SREK1: variants seen among roughly 807,000 people sequenced by gnomAD.
SREK1 encodes the protein splicing regulatory glutamine/lysine-rich protein 1.
SREK1 carries 13 observed loss-of-function variants against 66.5 expected under a neutral mutation model. The observed-to-expected ratio is 0.20, with a 90% CI of 0.13 to 0.31. The LOEUF (loss-of-function observed/expected upper bound fraction) is 0.31. Ranked by LOEUF, SREK1 falls within the 10% of genes least tolerant of loss-of-function variation. The pLI is 1.00. For missense variants in SREK1, 607 were observed against 769.6 expected (o/e 0.79, Z 2.50); for synonymous variants, 265 against 263.5 (o/e 1.01, Z -0.05).
chr5:66,167,459 GTTTAA>G (rs750109134), intron 7 of SREK1: 2 of 152,102 alleles, frequency 1.3e-5, no homozygotes, highest in Non-Finnish European at 1.5e-5. Flanking sequence ...GTTTTTTACA[GTTTAA>G]TTTAAAAATA....
chr5:66,154,693 C>G (rs1020978437), intron 2 of SREK1, among the ~76,000 whole-genome samples: 8 of 151,992 alleles, frequency 5.3e-5, no homozygotes, highest in Admixed American at 3.9e-4. Flanking sequence ...TTTTTTAAGT[C>G]CCAGAATAGG....
At chr5:66,146,754 T>C (rs1044139987) in intron 1 of SREK1, among the ~76,000 whole-genome samples, 2 of 152,222 alleles carry the variant, frequency 1.3e-5, no homozygotes, top group African/African-American at 4.8e-5. Context: ...TAGTAGTAGT[T>C]GTATTGAAAA....
chr5:66,179,244 T>C lies in SREK1; in HGVS notation c.*376T>C, dbSNP rs981607738. On this transcript the variant is annotated 3_prime_UTR_variant, in exon 12 of 12. Coordinates refer to ENST00000334121, the MANE Select transcript of SREK1 (RefSeq NM_001077199.3). ...TGGAGGCTCTTTTAAAAAATGCTAGTTACTGAATTTTGTATTGTTTTACTT... is the reference window on the plus strand; with the variant it reads ...TGGAGGCTCTTTTAAAAAATGCTAGCTACTGAATTTTGTATTGTTTTACTT... 2.6e-5 allele frequency: 4 copies of C among 156,776 alleles called. No homozygotes were observed. The highest frequency in any genetic ancestry group is 9.6e-5 in the African/African-American group (4 of 41,560). The allele number at this position is 156,776 out of a possible 1,614,324, so 9.7% of individuals were successfully genotyped here. A position where few individuals can be genotyped will look rare whatever the true frequency, so the allele number is the denominator to read the frequency against.
rs772600049 is a variant in SREK1, at chr5:66,162,641, G to T, written c.755+49G>T. ...TTTTAATGATTTTGAAACATTTAAA[G>T]TATTTTTGATGTAATGAAGGCTTTT... is the stretch of plus-strand genomic sequence containing the variant. On this transcript the variant is annotated intron_variant, in intron 5 of 11. Coordinates refer to ENST00000334121, the MANE Select transcript of SREK1 (RefSeq NM_001077199.3). The T allele has an allele frequency of 4.4e-5, 67 of 1,519,078 alleles. No homozygotes were observed. The Middle Eastern group carries it at 8.8e-4, about 20-fold the overall frequency. The allele number at this position is 1,519,078 out of a possible 1,614,324, so 94.1% of individuals were successfully genotyped here.
At chr5:66,170,991 C>T in intron 9 of SREK1, 44 bp downstream of exon 9, 1 of 1,546,948 alleles carries the variant, frequency 6.5e-7, no homozygotes, top group Non-Finnish European at 8.7e-7. Context: ...TTGCTGATGA[C>T]AATTGGAAAC....
At chr5:66,164,762 A>T (rs746454941) in intron 6 of SREK1, 21 bp from the exon 7 acceptor site, 1 of 1,613,900 alleles carries the variant, frequency 6.2e-7, no homozygotes, top group Non-Finnish European at 8.5e-7. Flanking sequence ...CTTACACTGC[A>T]AAGTGATTTT....
intron 7 of SREK1, chr5:66,166,912 A>G (rs1158956237): frequency 2.0e-5 from 3 of 152,180 alleles, no homozygotes; most frequent in African/African-American, 4.8e-5. Flanking sequence ...TTCCTTACCT[A>G]AAAACATTTA....
rs1269602570 is a variant in SREK1 at position 66,181,443 on chromosome 5, A to G, written c.*2575A>G. 1 of 152,104 alleles carries G rather than the reference A, an allele frequency of 6.6e-6. No individual in the cohort carries two copies. Among genetic ancestry groups the G allele is most frequent in the Non-Finnish European group, 1.5e-5 (1 of 68,014 alleles). 9.4% of individuals were successfully genotyped at this position (152,104 alleles called of 1,614,324 possible). On this transcript the variant is annotated 3_prime_UTR_variant, in exon 12 of 12. Transcript: ENST00000334121. ...TTTAAGACTTCTTTTTTTAAATCCC[A>G]GGTAGATGTTGTCAGATAAACTTGA...
intron 11 of SREK1, among the ~76,000 whole-genome samples, chr5:66,178,297 T>C (rs1166967572): frequency 1.3e-5 from 2 of 152,042 alleles, no homozygotes; most frequent in Non-Finnish European, 2.9e-5. Flanking sequence ...AAATTGAGGG[T>C]AGAAATTGGA....
intron 2 of SREK1, among the ~76,000 whole-genome samples, chr5:66,154,851 A>G (rs192718528): frequency 6.6e-6 from 1 of 152,150 alleles, no homozygotes; most frequent in Non-Finnish European, 1.5e-5. Flanking sequence ...GTAAGCCCCA[A>G]ATTGGTGAGG....
chr5:66,171,899 TATC>T lies in SREK1; in HGVS notation c.1484+957_1484+959del, dbSNP rs1212353785. Among the ~76,000 whole-genome samples, 12 of 152,300 alleles carry T rather than the reference TATC, an allele frequency of 7.9e-5. 1 individual carries two copies. In the East Asian group the frequency reaches 1.9e-3, roughly 24 times the overall value. On this transcript the variant is annotated intron_variant, in intron 9 of 11. Transcript: ENST00000334121. ...CACAACAGGCCTGGGAGAAGATTAT[TATC>T]ATCACTGTTTTAAAACATGAGGAAG...
intron 1 of SREK1, among the ~76,000 whole-genome samples, chr5:66,150,800 G>T (rs763555600): frequency 8.5e-5 from 13 of 152,162 alleles, no homozygotes; most frequent in South Asian, 8.3e-4. Context: ...GTTAGAATAA[G>T]TAGAGTTTTG....
rs1357748107 is a variant in SREK1, at chr5:66,183,029, TTAATA to T, written c.*4166_*4170del. The T allele has an allele frequency of 6.6e-6, 1 of 152,240 alleles. No homozygotes were observed. Among genetic ancestry groups the T allele is most frequent in the Non-Finnish European group, 1.5e-5 (1 of 68,030 alleles). The allele number at this position is 152,240 out of a possible 1,614,324, so 9.4% of individuals were successfully genotyped here. A position where few individuals can be genotyped will look rare whatever the true frequency, so the allele number is the denominator to read the frequency against. On this transcript the variant is annotated 3_prime_UTR_variant, in exon 12 of 12. Transcript: ENST00000334121. ...TAGCTTATATCAGATATAACAGTTC[TTAATA>T]TAATGTTTATAAAAGGTTTTAAGTC... is the stretch of plus-strand genomic sequence containing the variant.
intron 9 of SREK1, among the ~76,000 whole-genome samples, chr5:66,172,517 T>C (rs1745727005): frequency 6.6e-6 from 1 of 152,144 alleles, no homozygotes; most frequent in African/African-American, 2.4e-5. Flanking sequence ...TACCTCAGCC[T>C]CCCGAGTAGC....
chr5:66,178,811 C>T lies in SREK1; in HGVS notation c.1818C>T (p.His606=). 1 of 1,612,602 alleles carries T rather than the reference C, an allele frequency of 6.2e-7. No individual in the cohort carries two copies. The change falls in exon 12 of 12, where the codon CAC becomes CAT. Residue 606 remains histidine (H), a synonymous_variant. Coordinates refer to ENST00000334121, the MANE Select transcript of SREK1 (RefSeq NM_001077199.3). ...APRTEENKIQ[H]NGNCQLNEEN... is the part of the protein sequence containing the mutation. Reference sequence around the variant, plus strand: ...GGACTGAGGAAAACAAAATACAGCACAATGGGAATTGTCAGCTGAATGAAG... The same window carrying T: ...GGACTGAGGAAAACAAAATACAGCATAATGGGAATTGTCAGCTGAATGAAG...
In SREK1 at chr5:66,171,003, A is replaced by G. The variant is rs537128192; in HGVS notation, c.1484+56A>G. The G allele has an allele frequency of 1.4e-4, 216 of 1,542,806 alleles. 5 individuals carry two copies. In the South Asian group the frequency reaches 2.6e-3, roughly 19 times the overall value. On this transcript the variant is annotated intron_variant, in intron 9 of 11. Coordinates refer to ENST00000334121, the MANE Select transcript of SREK1 (RefSeq NM_001077199.3). Reference sequence around the variant, plus strand: ...GATTTGCTGATGACAATTGGAAACAAAATTTTTTACGGAGGGAGAAAAGGT... The same window carrying G: ...GATTTGCTGATGACAATTGGAAACAGAATTTTTTACGGAGGGAGAAAAGGT...
intron 7 of SREK1, chr5:66,168,492 A>C (rs1745355194): frequency 2.0e-5 from 3 of 152,086 alleles, no homozygotes; most frequent in Non-Finnish European, 4.4e-5. Flanking sequence ...CTTCCTCAGT[A>C]ACTGGGAATA....
At chr5:66,158,105 T>TA (rs1383106047) in intron 2 of SREK1, 1 of 149,536 alleles carries the variant, frequency 6.7e-6, no homozygotes, top group African/African-American at 2.5e-5. Flanking sequence ...AGTCAACTAT[T>TA]TAAGAATTTT....
At chr5:66,156,271 T>C in intron 2 of SREK1, 3 of 1,321,888 alleles carry the variant, frequency 2.3e-6, no homozygotes, top group Non-Finnish European at 2.9e-6. Context: ...TTTTTGTTTT[T>C]GTTTTTGTTT....
Sources: gnomAD v4.1 joint callset for allele counts (sites outside exome capture counted in the v4.1 genomes callset) on GRCh38, gnomAD v4.1.1 for gene constraint, MANE v1.5 for transcripts, NCBI Gene and HGNC (gene_info 2026-07-23, HGNC 2026-07-21) for gene names.